Variants in COL15A1 observed in about 807,000 individuals in gnomAD.
The protein encoded by COL15A1 is collagen alpha-1(XV) chain.
Under a neutral mutation model 165.9 loss-of-function variants are expected in COL15A1, and 111 were observed. That is an observed-to-expected ratio of 0.67 (90% CI 0.57 to 0.78). COL15A1 has a LOEUF of 0.78. COL15A1 is among the 30% of genes least tolerant of loss of function. COL15A1 has a pLI of 0.00. For missense variants in COL15A1, 1,745 were observed against 1,789.7 expected (o/e 0.98, Z 0.45); for synonymous variants, 659 against 674.8 (o/e 0.98, Z 0.36).
intron 2 of COL15A1, among the ~76,000 whole-genome samples, chr9:98,945,503 G>T (rs1181606232): frequency 1.3e-5 from 2 of 150,636 alleles, no homozygotes; most frequent in Non-Finnish European, 3.0e-5. Flanking sequence ...GGAACAGAAA[G>T]TCTAGGAAAC....
At chr9:98,986,630 G>A (rs1043304667) in intron 3 of COL15A1, among the ~76,000 whole-genome samples, 4 of 152,094 alleles carry the variant, frequency 2.6e-5, no homozygotes, top group African/African-American at 4.8e-5. Flanking sequence ...CTATCAAAAT[G>A]GGCTTTTATG....
chr9:99,044,955 T>G (rs1839471170), intron 26 of COL15A1, among the ~76,000 whole-genome samples, 185 bp downstream of exon 26: 1 of 152,236 alleles, frequency 6.6e-6, no homozygotes, highest in Non-Finnish European at 1.5e-5. Context: ...TTTAACACAA[T>G]AGCAGCTTAT....
At chr9:99,035,720 T>C (rs2075666) in intron 19 of COL15A1, among the ~76,000 whole-genome samples, 21,604 of 152,100 alleles carry the variant, frequency 0.14, 1,805 homozygotes, top group East Asian at 0.35. Flanking sequence ...CATCTCTACT[T>C]TATTTCCTCC....
chr9:99,041,943 A>T (rs2119072319), intron 23 of COL15A1, 102 bp from the exon 24 acceptor site: 4 of 701,564 alleles, frequency 5.7e-6, no homozygotes, highest in Non-Finnish European at 9.8e-6. Context: ...TACCTGGGGG[A>T]TGGCAGTGTG....
At chr9:99,009,534 G>A (rs1173006260) in intron 9 of COL15A1, among the ~76,000 whole-genome samples, 4 of 152,060 alleles carry the variant, frequency 2.6e-5, no homozygotes, top group African/African-American at 4.8e-5. Context: ...TCTTGGTTCT[G>A]AAAATCAAAA....
At chr9:98,948,673 G>A (rs1441833363) in intron 2 of COL15A1, among the ~76,000 whole-genome samples, 1 of 151,772 alleles carries the variant, frequency 6.6e-6, no homozygotes, top group Non-Finnish European at 1.5e-5. Context: ...CAATGGTCAG[G>A]GTTGAGCTGG....
intron 16 of COL15A1, among the ~76,000 whole-genome samples, chr9:99,031,125 G>A (rs1051922611): frequency 6.6e-6 from 1 of 152,140 alleles, no homozygotes; most frequent in Admixed American, 6.5e-5. Context: ...TGCCACAGAG[G>A]CACCAACTTT....
intron 9 of COL15A1, among the ~76,000 whole-genome samples, chr9:99,006,701 C>T (rs999427253): frequency 6.6e-6 from 1 of 152,188 alleles, no homozygotes; most frequent in Non-Finnish European, 1.5e-5. Flanking sequence ...CCTGTCTTCC[C>T]CTTTCTTTAA....
intron 5 of COL15A1, among the ~76,000 whole-genome samples, chr9:98,992,816 C>T (rs1257122190): frequency 6.6e-6 from 1 of 152,156 alleles, no homozygotes; most frequent in Non-Finnish European, 1.5e-5. Flanking sequence ...AGGCCTCACT[C>T]CCCAGGCTTG....
chr9:99,040,701 T>C, intron 23 of COL15A1, 145 bp downstream of exon 23: 2 of 1,457,946 alleles, frequency 1.4e-6, no homozygotes, highest in Non-Finnish European at 1.9e-6. Context: ...ATATTTTTGA[T>C]AGATATGGGG....
chr9:99,063,214 C>A, intron 39 of COL15A1, 105 bp downstream of exon 39: 1 of 1,302,640 alleles, frequency 7.7e-7, no homozygotes, highest in Non-Finnish European at 1.0e-6. Context: ...TACTTATAGA[C>A]TAGTGAGAGA....
At position 99,042,125 on chromosome 9, in the gene COL15A1, A is replaced by G. The variant is rs769266025; in HGVS notation, c.2574+18A>G. On this transcript the variant is annotated intron_variant, in intron 24 of 41. Coordinates refer to ENST00000375001, the MANE Select transcript of COL15A1 (RefSeq NM_001855.5). Reference sequence around the variant, plus strand: ...GAGAACAGGTAAGAGGGGCCCAGGTATCTGAGTGAGATTGGGCGCTGGAAT... The same window carrying G: ...GAGAACAGGTAAGAGGGGCCCAGGTGTCTGAGTGAGATTGGGCGCTGGAAT... The G allele has an allele frequency of 1.1e-5, 17 of 1,589,424 alleles. No individual in the cohort carries two copies. In the African/African-American group the frequency reaches 1.1e-4, roughly 10 times the overall value.
chr9:99,041,447 G>C (rs1191865668), intron 23 of COL15A1: 1 of 147,340 alleles, frequency 6.8e-6, no homozygotes, highest in East Asian at 2.0e-4. Context: ...TTGAGAAGAG[G>C]TTGCCTCTGG....
At chr9:99,046,004 C>T (rs984754988) in intron 26 of COL15A1, among the ~76,000 whole-genome samples, 15 of 152,188 alleles carry the variant, frequency 9.9e-5, no homozygotes, top group Non-Finnish European at 1.8e-4. Flanking sequence ...AGAGTGGACA[C>T]CCAAAGTCAG....
chr9:99,004,915 G>C lies in COL15A1; in HGVS notation c.1218G>C (p.Glu406Asp), dbSNP rs1334783989. The change falls in exon 9 of 42, where the codon GAG (glutamate) becomes GAC (aspartate). Residue 406 changes from glutamate (E) to aspartate (D), a missense_variant. Physicochemically the swap from Glu to Asp is conservative, Grantham distance 45. Coordinates refer to ENST00000375001, the MANE Select transcript of COL15A1 (RefSeq NM_001855.5). Reference sequence around the variant, plus strand: ...CTATTCAGGGTCCAGATAATGAAGAGCGTTTAGCAGCAACAGCAGCAGGGG... The same window carrying C: ...CTATTCAGGGTCCAGATAATGAAGACCGTTTAGCAGCAACAGCAGCAGGGG... ...EGVTPGPDNE[E>D]RLAATAAGEA... 2 of 1,614,134 alleles carry C rather than the reference G, an allele frequency of 1.2e-6. No homozygotes were observed. The highest frequency in any genetic ancestry group is 1.7e-6 in the Non-Finnish European group (2 of 1,179,984).
intron 16 of COL15A1, among the ~76,000 whole-genome samples, chr9:99,032,893 CTG>C (rs1839231106): frequency 6.6e-6 from 1 of 152,198 alleles, no homozygotes; most frequent in East Asian, 1.9e-4. Context: ...ATCATAACCA[CTG>C]TTTTTATTTC....
chr9:99,012,015 G>T (rs902338062), intron 9 of COL15A1, among the ~76,000 whole-genome samples: 2 of 152,040 alleles, frequency 1.3e-5, no homozygotes. Context: ...TCCTGTTTTG[G>T]GCTGAGTTTA....
intron 12 of COL15A1, among the ~76,000 whole-genome samples, chr9:99,021,305 GCGGTGTCCTCA>G (rs1839023266): frequency 6.6e-6 from 1 of 152,194 alleles, no homozygotes; most frequent in South Asian, 2.1e-4. Context: ...GCTGGGGAGG[GCGGTGTCCTCA>G]CTTCTCTCTG....
intron 2 of COL15A1, among the ~76,000 whole-genome samples, chr9:98,964,851 A>C (rs1252773649): frequency 5.9e-5 from 9 of 152,258 alleles, no homozygotes; most frequent in Admixed American, 3.3e-4. Flanking sequence ...CCAGCTCTGA[A>C]GGTTACCCTG....
Sources: gnomAD v4.1 joint callset for allele counts (sites outside exome capture counted in the v4.1 genomes callset) on GRCh38, gnomAD v4.1.1 for gene constraint, MANE v1.5 for transcripts, NCBI Gene and HGNC (gene_info 2026-07-23, HGNC 2026-07-21) for gene names.